GABRA2: variants seen among roughly 807,000 people sequenced by gnomAD.
The protein encoded by GABRA2 is gamma-aminobutyric acid type A receptor subunit alpha2.
Under a neutral mutation model 48.7 loss-of-function variants are expected in GABRA2, and 16 were observed. The observed-to-expected ratio is 0.33, with a 90% CI of 0.22 to 0.50. The LOEUF is 0.50. Among genes scored for constraint, GABRA2 ranks in the 20% least tolerant of loss-of-function variants. GABRA2 has a pLI of 0.98. For synonymous variants in GABRA2, 185 were observed against 184.5 expected (o/e 1.00, Z -0.02); for missense variants, 275 against 535.6 (o/e 0.51, Z 4.80).
intron 8 of GABRA2, among the ~76,000 whole-genome samples, chr4:46,288,193 C>T (rs1722926441): frequency 6.6e-6 from 1 of 152,160 alleles, no homozygotes; most frequent in Admixed American, 6.5e-5. Flanking sequence ...ATATCAACGA[C>T]CATACTACCC....
At chr4:46,329,311 C>A (rs1185850684) in intron 4 of GABRA2, among the ~76,000 whole-genome samples, 1 of 152,116 alleles carries the variant, frequency 6.6e-6, no homozygotes, top group East Asian at 1.9e-4. Context: ...TGGAGGGACA[C>A]TCCAATGTAG....
intron 3 of GABRA2, among the ~76,000 whole-genome samples, chr4:46,374,477 ATT>A (rs1715386488): frequency 6.6e-6 from 1 of 152,130 alleles, no homozygotes; most frequent in South Asian, 2.1e-4. Flanking sequence ...TAAATAACGT[ATT>A]TTGTAATACT....
intron 8 of GABRA2, among the ~76,000 whole-genome samples, chr4:46,302,962 A>AT (rs1726004916): frequency 6.6e-6 from 1 of 151,994 alleles, no homozygotes; most frequent in African/African-American, 2.4e-5. Flanking sequence ...TTCAGCCCCT[A>AT]TTTTACCTTG....
chr4:46,389,138 T>C lies in GABRA2; in HGVS notation c.-10-422A>G, dbSNP rs540098581. On this transcript the variant is annotated intron_variant, in intron 1 of 9. Transcript: ENST00000381620. ...AGGAGAGGAGAGGAGAGATGGGTAC[T>C]TCACGCCACAACCCCCTCAACCAAG... The C allele has an allele frequency of 3.7e-5, 37 of 993,586 alleles. No homozygotes were observed. In the South Asian group the frequency reaches 1.4e-3, roughly 38 times the overall value. The allele number at this position is 993,586 out of a possible 1,614,324, so 61.5% of individuals were successfully genotyped here.
Position 46,335,563 on chromosome 4 carries a change from T to A in GABRA2, c.188-2881A>T, listed in dbSNP as rs555003628. Among the ~76,000 whole-genome samples, 25 of 152,270 alleles carry A rather than the reference T, an allele frequency of 1.6e-4. No individual in the cohort carries two copies. The East Asian group carries it at 4.6e-3, about 28-fold the overall frequency. On this transcript the variant is annotated intron_variant, in intron 3 of 9. Coordinates refer to ENST00000381620, the MANE Select transcript of GABRA2 (RefSeq NM_000807.4). ...ATCTCAGCTCACCGCAACCTCTGCC[T>A]CCAGGGTTCAAGTGATTCTCCTGCC...
intron 8 of GABRA2, among the ~76,000 whole-genome samples, chr4:46,285,479 G>A (rs1577905794): frequency 6.6e-6 from 1 of 151,934 alleles, no homozygotes; most frequent in Admixed American, 6.6e-5. Flanking sequence ...GTACTAGGAT[G>A]GGTAGAGTCT....
chr4:46,265,332 G>T (rs1036615825), intron 8 of GABRA2, among the ~76,000 whole-genome samples: 1 of 143,672 alleles, frequency 7.0e-6, no homozygotes, highest in Admixed American at 7.0e-5. Context: ...GAGCCACCGC[G>T]CCTTGCCACT....
rs142230774 is a variant in GABRA2 at position 46,326,190 on chromosome 4, T to C, written c.255+6425A>G. Among the ~76,000 whole-genome samples the C allele has an allele frequency of 3.5e-3, 533 of 152,082 alleles. 1 individual carries two copies. Among genetic ancestry groups the C allele is most frequent in the African/African-American group, 0.012 (484 of 41,538 alleles). On this transcript the variant is annotated intron_variant, in intron 4 of 9. Transcript: ENST00000381620. ...GAATGGGGAGGGTGGTAGGGAATAC[T>C]ACTTTGTGACCTTAGAAAACCAAGA...
chr4:46,295,792 G>T (rs1406291198), intron 8 of GABRA2, among the ~76,000 whole-genome samples: 2 of 152,218 alleles, frequency 1.3e-5, no homozygotes, highest in African/African-American at 4.8e-5. Flanking sequence ...GGAAAGGGCA[G>T]ATGTTTGTTC....
chr4:46,258,901 C>A (rs1273159227), intron 9 of GABRA2, among the ~76,000 whole-genome samples: 2 of 151,572 alleles, frequency 1.3e-5, no homozygotes, highest in African/African-American at 4.8e-5. Context: ...TATAGTTGGT[C>A]GAGAATTAAG....
intron 8 of GABRA2, among the ~76,000 whole-genome samples, chr4:46,297,284 C>T (rs972903341): frequency 6.6e-6 from 1 of 151,484 alleles, no homozygotes; most frequent in Non-Finnish European, 1.5e-5. Flanking sequence ...GGCAAAAAAA[C>T]GTGGAAAGAT....
rs973810417 is a variant in GABRA2 at position 46,247,923 on chromosome 4, G to A, written c.*2385C>T. On this transcript the variant is annotated 3_prime_UTR_variant, in exon 10 of 10. Coordinates refer to ENST00000381620, the MANE Select transcript of GABRA2 (RefSeq NM_000807.4). ...AAATAACAAAGAATTCTGATCCCTA[G>A]CACTGAAAAATCTGAACTGCCAGAA... Among the ~76,000 whole-genome samples the A allele has an allele frequency of 2.6e-5, 4 of 151,082 alleles. No homozygotes were observed. The highest frequency in any genetic ancestry group is 9.7e-5 in the African/African-American group (4 of 41,300).
chr4:46,341,291 T>C (rs779427881), intron 3 of GABRA2, among the ~76,000 whole-genome samples: 17 of 152,014 alleles, frequency 1.1e-4, no homozygotes, highest in Admixed American at 6.6e-4. Flanking sequence ...CCTGTTTCTT[T>C]TCATGGGTCA....
chr4:46,324,719 C>T (rs899975859), intron 4 of GABRA2, among the ~76,000 whole-genome samples: 1 of 151,750 alleles, frequency 6.6e-6, no homozygotes, highest in African/African-American at 2.4e-5. Context: ...AACCCTCCCC[C>T]TCCCTCTCCA....
intron 4 of GABRA2, among the ~76,000 whole-genome samples, chr4:46,327,808 TGCTTC>T (rs1730647131): frequency 6.6e-6 from 1 of 152,066 alleles, no homozygotes; most frequent in Admixed American, 6.6e-5. Flanking sequence ...CCAGACTGCC[TGCTTC>T]TTAGCCTAAT....
intron 8 of GABRA2, among the ~76,000 whole-genome samples, chr4:46,296,651 AG>A (rs368299890): frequency 0.019 from 1,759 of 93,808 alleles, 63 homozygotes; most frequent in African/African-American, 0.08. Flanking sequence ...TTACTCTATC[AG>A]GGGGAAAAAA....
chr4:46,342,393 C>A (rs1472990331), intron 3 of GABRA2, among the ~76,000 whole-genome samples: 1 of 151,960 alleles, frequency 6.6e-6, no homozygotes, highest in Admixed American at 6.6e-5. Flanking sequence ...TCAGATTGTG[C>A]CAATTCTCTT....
chr4:46,262,455 G>A (rs1308796635), intron 8 of GABRA2, among the ~76,000 whole-genome samples: 4 of 152,068 alleles, frequency 2.6e-5, no homozygotes, highest in Non-Finnish European at 5.9e-5. Flanking sequence ...ACAAGGAAAA[G>A]CAGGCACTTT....
chr4:46,305,618 T>C lies in GABRA2; in HGVS notation c.653A>G (p.Tyr218Cys), dbSNP rs2109643293. 6.2e-7 allele frequency: 1 copy of C among 1,613,994 alleles called. No individual in the cohort carries two copies. The highest frequency in any genetic ancestry group is 8.5e-7 in the Non-Finnish European group (1 of 1,179,902). The change falls in exon 7 of 10, where the codon TAT (tyrosine) becomes TGT (cysteine). Residue 218 changes from tyrosine to cysteine, a missense_variant. By Grantham distance (194) the Tyr-to-Cys change is radical. Around this residue, in one of 4 missense-constraint regions of GABRA2, gnomAD observed 113 missense variants for 257.1 expected, o/e 0.44. Coordinates refer to ENST00000381620, the MANE Select transcript of GABRA2 (RefSeq NM_000807.4). ...TCCGATTGATTGGCCCAGCAGGTCA[T>C]ATTGATTTAACCTAGAGCCATCAGG... ...VAPDGSRLNQ[Y>C]DLLGQSIGKE...
Sources: gnomAD v4.1 joint callset for allele counts (sites outside exome capture counted in the v4.1 genomes callset) on GRCh38, gnomAD v4.1.1 for gene constraint, gnomAD v4.1.1 regional missense constraint, MANE v1.5 for transcripts, NCBI Gene and HGNC (gene_info 2026-07-23, HGNC 2026-07-21) for gene names.